The following SUGCT variants were observed in gnomAD, a reference collection of about 807,000 sequenced individuals.
The protein encoded by SUGCT is succinyl-CoA:glutarate-CoA transferase.
A neutral mutation model predicts 55.0 loss-of-function variants in SUGCT; 41 were observed. The ratio of observed to expected loss-of-function variants is 0.74; its 90% CI spans 0.58 to 0.97. The LOEUF (loss-of-function observed/expected upper bound fraction) is 0.97. Among genes scored for constraint, SUGCT ranks in the 50% least tolerant of loss-of-function variants. The probability of loss-of-function intolerance (pLI) is 0.00; values close to 1 mark genes in which losing one functional copy is unlikely to be tolerated. For synonymous variants in SUGCT, 187 were observed against 200.4 expected, an observed-to-expected ratio of 0.93 and a Z score of 0.56; for missense variants, 568 against 547.8, an observed-to-expected ratio of 1.04 and a Z score of -0.37.
chr7:40,182,605 G>A lies in SUGCT; in HGVS notation c.226+577G>A, dbSNP rs368422928. On this transcript the variant is annotated intron_variant, in intron 3 of 13. Transcript: ENST00000335693. ...GAAAAAAAAGGGACTGAGATGCAGC[G>A]TATAACAACTATGATAATGACACCT... Among the ~76,000 whole-genome samples, 80 of 151,130 alleles carry A rather than the reference G, an allele frequency of 5.3e-4. No homozygotes were observed. The South Asian group carries it at 0.014, about 26-fold the overall frequency.
At chr7:40,969,263 T>A in the SUGCT span, among the ~76,000 whole-genome samples, 1 of 152,254 alleles carries the variant, frequency 6.6e-6, no homozygotes, top group Non-Finnish European at 1.5e-5. Flanking sequence ...TATACTCTGC[T>A]TATGATAAGG....
intron 12 of SUGCT, among the ~76,000 whole-genome samples, chr7:40,684,908 G>A (rs1377501848): frequency 2.0e-5 from 3 of 152,194 alleles, no homozygotes; most frequent in African/African-American, 7.2e-5. Flanking sequence ...TTGGCTCACT[G>A]CAACCTCCGC....
At chr7:40,770,987 A>T (rs1205637943) in intron 13 of SUGCT, among the ~76,000 whole-genome samples, 1 of 152,188 alleles carries the variant, frequency 6.6e-6, no homozygotes, top group Non-Finnish European at 1.5e-5. Flanking sequence ...TGAATGAATG[A>T]ACTAATTAAC....
At chr7:40,865,605 G>C (rs1327977776), downstream of SUGCT, among the ~76,000 whole-genome samples, 1 of 152,172 alleles carries the variant, frequency 6.6e-6, no homozygotes, top group African/African-American at 2.4e-5. Context: ...GGCCCCAGAC[G>C]CTGGAGCCGA....
In SUGCT at chr7:40,251,724, C is replaced by T. The variant is rs1222126772; in HGVS notation, c.576+13998C>T. On this transcript the variant is annotated intron_variant, in intron 7 of 13. Transcript: ENST00000335693. ...AATTTATTATTTCATTGTATTTTCC[C>T]CCCTTAGAGATTTTTGGTAGCATAA... Among the ~76,000 whole-genome samples the T allele has an allele frequency of 2.6e-5, 4 of 151,996 alleles. No homozygotes were observed. The East Asian group carries it at 7.7e-4, about 29-fold the overall frequency.
the SUGCT span, among the ~76,000 whole-genome samples, chr7:40,867,778 G>C: frequency 1.3e-5 from 2 of 152,190 alleles, no homozygotes; most frequent in Non-Finnish European, 2.9e-5. Flanking sequence ...GGCACAATTA[G>C]AAGTGTTCGC....
chr7:40,202,786 T>C (rs1035280946), intron 6 of SUGCT, among the ~76,000 whole-genome samples: 3 of 152,204 alleles, frequency 2.0e-5, no homozygotes, highest in African/African-American at 7.2e-5. Context: ...AGTCTATCTG[T>C]TATGATCACC....
intron 5 of SUGCT, among the ~76,000 whole-genome samples, chr7:40,192,921 C>T (rs1025619567): frequency 3.3e-5 from 5 of 151,502 alleles, no homozygotes; most frequent in Admixed American, 2.6e-4. Context: ...GTATGAGCTA[C>T]TGTGCCTGGC....
At chr7:40,175,953 C>T (rs888173247) in intron 1 of SUGCT, among the ~76,000 whole-genome samples, 7 of 151,966 alleles carry the variant, frequency 4.6e-5, no homozygotes, top group African/African-American at 7.3e-5. Flanking sequence ...GTAGGCTGGG[C>T]GTGGTGGCTG....
At chr7:40,962,659 G>C in the SUGCT span, among the ~76,000 whole-genome samples, 1 of 151,782 alleles carries the variant, frequency 6.6e-6, no homozygotes, top group African/African-American at 2.4e-5. Context: ...TGCATTACTA[G>C]TGAGAAGTTC....
Position 40,361,281 on chromosome 7 carries a change from G to C in SUGCT, c.816+44426G>C, listed in dbSNP as rs1157114356. Among the ~76,000 whole-genome samples, 5 of 152,048 alleles carry C rather than the reference G, an allele frequency of 3.3e-5. No homozygotes were observed. The East Asian group carries it at 9.7e-4, about 29-fold the overall frequency. ...GCACAGGCAGCTCAGCCCTCAAAAA[G>C]AGAGAAAATTTGGTCAGGCGCGGTG... On this transcript the variant is annotated intron_variant, in intron 9 of 13. Coordinates refer to ENST00000335693, the MANE Select transcript of SUGCT (RefSeq NM_001193313.2).
At chr7:40,846,494 A>G (rs1232228744) in intron 13 of SUGCT, among the ~76,000 whole-genome samples, 1 of 152,172 alleles carries the variant, frequency 6.6e-6, no homozygotes, top group African/African-American at 2.4e-5. Context: ...ATGAATATGA[A>G]TAGTATTTCC....
chr7:40,264,780 T>C (rs1791450174), intron 7 of SUGCT, among the ~76,000 whole-genome samples: 1 of 152,222 alleles, frequency 6.6e-6, no homozygotes, highest in Admixed American at 6.5e-5. Flanking sequence ...TTCAAGTTTC[T>C]AAGTATCTCT....
At chr7:40,726,384 A>G (rs992806411) in intron 12 of SUGCT, among the ~76,000 whole-genome samples, 1 of 152,212 alleles carries the variant, frequency 6.6e-6, no homozygotes. Context: ...GAAGTGGATT[A>G]TCATAAAGGT....
chr7:40,556,095 A>G (rs1249269248), intron 12 of SUGCT, among the ~76,000 whole-genome samples: 1 of 152,118 alleles, frequency 6.6e-6, no homozygotes. Context: ...AGTGCCTTAG[A>G]TGCAATACAT....
At chr7:40,729,474 CAT>C (rs1475407933) in intron 12 of SUGCT, among the ~76,000 whole-genome samples, 1 of 152,122 alleles carries the variant, frequency 6.6e-6, no homozygotes, top group Non-Finnish European at 1.5e-5. Flanking sequence ...TTGCAGGACA[CAT>C]GTTTGCAAAG....
the SUGCT span, among the ~76,000 whole-genome samples, chr7:40,879,019 C>T: frequency 6.6e-6 from 1 of 152,088 alleles, no homozygotes; most frequent in African/African-American, 2.4e-5. Context: ...GTCTCGAGCT[C>T]TTGACCTTGT....
At chr7:40,475,475 T>A (rs1166252908) in intron 11 of SUGCT, among the ~76,000 whole-genome samples, 6 of 152,204 alleles carry the variant, frequency 3.9e-5, no homozygotes, top group African/African-American at 1.4e-4. Context: ...ATATCCCTCA[T>A]ATACCTGTTT....
chr7:40,163,322 T>C (rs1784266986), intron 1 of SUGCT, among the ~76,000 whole-genome samples: 1 of 152,030 alleles, frequency 6.6e-6, no homozygotes, highest in African/African-American at 2.4e-5. Context: ...AAAAGTAGTG[T>C]TGGCTGGGCA....
Sources: gnomAD v4.1 joint callset for allele counts (sites outside exome capture counted in the v4.1 genomes callset) on GRCh38, gnomAD v4.1.1 for gene constraint, MANE v1.5 for transcripts, NCBI Gene and HGNC (gene_info 2026-07-23, HGNC 2026-07-21) for gene names.